ACTN4: variants seen among roughly 807,000 people sequenced by gnomAD.
The protein encoded by ACTN4 is actinin alpha 4, also known as alpha-actinin-4.
A neutral mutation model predicts 114.2 loss-of-function variants in ACTN4; 18 were observed. That is an observed-to-expected ratio of 0.16 (90% confidence interval 0.11 to 0.23). ACTN4 has a LOEUF of 0.23. Among genes scored for constraint, ACTN4 ranks in the 10% least tolerant of loss-of-function variants. The pLI is 1.00. For missense variants in ACTN4, 722 were observed against 1,262.9 expected, an observed-to-expected ratio of 0.57 and a Z score of 6.49; for synonymous variants, 515 against 506.3, an observed-to-expected ratio of 1.02 and a Z score of -0.23.
intron 17 of ACTN4, 52 bp from the exon 18 acceptor site, chr19:38,726,905 T>G: frequency 6.2e-7 from 1 of 1,610,552 alleles, no homozygotes; most frequent in Non-Finnish European, 8.5e-7. Flanking sequence ...TGAACCACGG[T>G]GAGGACAGTT....
chr19:38,679,689 C>A (rs1198418395), intron 1 of ACTN4, among the ~76,000 whole-genome samples: 1 of 151,772 alleles, frequency 6.6e-6, no homozygotes, highest in Admixed American at 6.6e-5. Context: ...AACTCCTGGG[C>A]TTGCTTTGTT....
Position 38,718,109 on chromosome 19 carries a change from C to CGCTCCCGT in ACTN4, c.1291+42_1291+49dup, listed in dbSNP as rs766868950. On this transcript the variant is annotated intron_variant, in intron 11 of 20. Coordinates refer to ENST00000252699, the MANE Select transcript of ACTN4 (RefSeq NM_004924.6). ...AGCTCTGCCCCACTCTGCCCAGCCC[C>CGCTCCCGT]GCTCCCGTGCTCCCCTCCTGTCTCT... 1.4e-5 allele frequency: 22 copies of CGCTCCCGT among 1,578,220 alleles called. No homozygotes were observed. The South Asian group carries it at 2.4e-4, about 17-fold the overall frequency.
At chr19:38,706,862 C>A (rs8105055) in intron 5 of ACTN4, among the ~76,000 whole-genome samples, 1 of 152,206 alleles carries the variant, frequency 6.6e-6, no homozygotes, top group Non-Finnish European at 1.5e-5. Context: ...TCAGGGTGAG[C>A]GGGAGATGAG....
intron 1 of ACTN4, among the ~76,000 whole-genome samples, chr19:38,681,769 T>C (rs889065897): frequency 6.6e-6 from 1 of 152,222 alleles, no homozygotes; most frequent in African/African-American, 2.4e-5. Context: ...CTCCTTGTCC[T>C]GAATCTCAGT....
At chr19:38,680,337 C>T (rs1011841596) in intron 1 of ACTN4, among the ~76,000 whole-genome samples, 7 of 150,174 alleles carry the variant, frequency 4.7e-5, no homozygotes, top group African/African-American at 1.2e-4. Context: ...CAAGCAAGCA[C>T]GTCTGGGTAA....
intron 1 of ACTN4, among the ~76,000 whole-genome samples, chr19:38,657,214 C>G (rs1054076886): frequency 1.3e-5 from 2 of 152,026 alleles, no homozygotes; most frequent in Non-Finnish European, 1.5e-5. Context: ...ACGATCTCAG[C>G]TCACTGCAAC....
chr19:38,666,404 T>TTG (rs1361811675), intron 1 of ACTN4, among the ~76,000 whole-genome samples: 1 of 152,192 alleles, frequency 6.6e-6, no homozygotes, highest in Non-Finnish European at 1.5e-5. Context: ...GAGCTGCCCA[T>TTG]TGTTGGCCTG....
At position 38,725,708 on chromosome 19, in the gene ACTN4, G is replaced by A. The variant is rs1428148766; in HGVS notation, c.2011-16G>A. ...GCCCACCAGCCTCACCCCACCGCCT[G>A]CACCCACCCCCGTAGGAGATCGGGC... On this transcript the variant is annotated splice_polypyrimidine_tract_variant and intron_variant, in intron 16 of 20. Transcript: ENST00000252699. The A allele has an allele frequency of 6.2e-7, 1 of 1,612,604 alleles. No individual in the cohort carries two copies. The highest frequency in any genetic ancestry group is 1.7e-5 in the Admixed American group (1 of 59,954).
rs368487201 is a variant in ACTN4, at chr19:38,724,588, A to G, written c.2010+23A>G. The G allele has an allele frequency of 1.2e-6, 2 of 1,612,964 alleles. No individual in the cohort carries two copies. The highest frequency in any genetic ancestry group is 1.1e-5 in the South Asian group (1 of 91,084). On this transcript the variant is annotated intron_variant, in intron 16 of 20. Transcript: ENST00000252699. The surrounding 1 kb of genome is among the most constrained non-coding windows in gnomAD (Gnocchi z 7.0). Reference sequence around the variant, plus strand: ...GAGGTGAGGCACGGCTGAGCCCCACAGAGCTGAGAAGGTTCCAAGAGAGCT... The same window carrying G: ...GAGGTGAGGCACGGCTGAGCCCCACGGAGCTGAGAAGGTTCCAAGAGAGCT...
intron 12 of ACTN4, among the ~76,000 whole-genome samples, chr19:38,722,535 G>T (rs754107609): frequency 6.6e-6 from 1 of 152,192 alleles, no homozygotes; most frequent in Non-Finnish European, 1.5e-5. Flanking sequence ...TTTCCTCCCC[G>T]ACTCACTACC....
intron 1 of ACTN4, among the ~76,000 whole-genome samples, chr19:38,666,805 C>G (rs1966976395): frequency 6.6e-6 from 1 of 152,196 alleles, no homozygotes; most frequent in Non-Finnish European, 1.5e-5. Flanking sequence ...AAGGCAGTTT[C>G]CATTCTTGAC....
intron 3 of ACTN4, 88 bp from the exon 4 acceptor site, chr19:38,704,846 G>T: frequency 8.2e-7 from 1 of 1,212,550 alleles, no homozygotes; most frequent in Admixed American, 1.7e-5. Flanking sequence ...TCTCTAGATG[G>T]GGCTGGAAGG....
intron 6 of ACTN4, among the ~76,000 whole-genome samples, chr19:38,708,704 A>G (rs980073073): frequency 1.3e-5 from 2 of 152,256 alleles, no homozygotes; most frequent in African/African-American, 4.8e-5. Flanking sequence ...CAGGCCGTGT[A>G]CATGTGCTCA....
At chr19:38,704,683 G>A (rs1165347983) in intron 3 of ACTN4, among the ~76,000 whole-genome samples, 1 of 152,208 alleles carries the variant, frequency 6.6e-6, no homozygotes, top group African/African-American at 2.4e-5. Flanking sequence ...CTGGCTGCGG[G>A]GCCAGGGACC....
intron 16 of ACTN4, 76 bp from the exon 17 acceptor site, chr19:38,725,648 G>T: frequency 6.5e-7 from 1 of 1,536,366 alleles, no homozygotes. Flanking sequence ...GGCCAGCAGC[G>T]CGAGTGGGCT....
intron 1 of ACTN4, among the ~76,000 whole-genome samples, chr19:38,680,739 T>C (rs1385735476): frequency 1.3e-5 from 2 of 152,186 alleles, no homozygotes; most frequent in African/African-American, 4.8e-5. Flanking sequence ...GTTTGATTTC[T>C]TTCCCTTGAA....
chr19:38,650,452 C>G (rs1410802448), intron 1 of ACTN4, among the ~76,000 whole-genome samples: 1 of 152,154 alleles, frequency 6.6e-6, no homozygotes, highest in African/African-American at 2.4e-5. Context: ...TGGGGCCGGG[C>G]AGGTTTGAGG....
rs572680625 is a variant in ACTN4, at chr19:38,723,772, G to A, written c.1551+50G>A. 80 of 1,514,120 alleles carry A rather than the reference G, an allele frequency of 5.3e-5. No individual in the cohort carries two copies. In the South Asian group the frequency reaches 7.2e-4, roughly 14 times the overall value. 93.8% of individuals were successfully genotyped at this position (1,514,120 alleles called of 1,614,324 possible). ...CGGAGCTCTGTGCCCCTGCTGCCCC[G>A]GGGCTGGTGGTGTGGATAGTGTCCA... is the stretch of plus-strand genomic sequence containing the variant. On this transcript the variant is annotated intron_variant, in intron 13 of 20. Coordinates refer to ENST00000252699, the MANE Select transcript of ACTN4 (RefSeq NM_004924.6).
chr19:38,668,470 G>A (rs1337199279), intron 1 of ACTN4, among the ~76,000 whole-genome samples: 1 of 152,152 alleles, frequency 6.6e-6, no homozygotes, highest in Admixed American at 6.5e-5. Context: ...CACAGATCAC[G>A]AGGTCGGGAG....
Sources: gnomAD v4.1 joint callset for allele counts (sites outside exome capture counted in the v4.1 genomes callset) on GRCh38, gnomAD v4.1.1 for gene constraint, Gnocchi (gnomAD v3.1) non-coding constraint, MANE v1.5 for transcripts, NCBI Gene and HGNC (gene_info 2026-07-23, HGNC 2026-07-21) for gene names.